The following LAMC1 variants were observed in gnomAD, a reference collection of about 807,000 sequenced individuals.
The protein encoded by LAMC1 is laminin subunit gamma-1.
Under a neutral mutation model 173.6 loss-of-function variants are expected in LAMC1, and 38 were observed. That is an observed-to-expected ratio of 0.22 (90% confidence interval 0.17 to 0.29). The LOEUF (loss-of-function observed/expected upper bound fraction) is 0.29. LAMC1 is among the 10% of genes least tolerant of loss of function. The pLI is 1.00. For synonymous variants in LAMC1, 746 were observed against 749.1 expected (o/e 1.00, Z 0.07); for missense variants, 1,824 against 2,051.8 (o/e 0.89, Z 2.14).
intron 1 of LAMC1, among the ~76,000 whole-genome samples, chr1:183,070,180 A>G (rs981976683): frequency 6.6e-6 from 1 of 152,240 alleles, no homozygotes; most frequent in Non-Finnish European, 1.5e-5. Flanking sequence ...ACCTAGTCAT[A>G]AAGTTCAATC....
intron 1 of LAMC1, among the ~76,000 whole-genome samples, chr1:183,101,821 T>C (rs1229080212): frequency 6.6e-6 from 1 of 152,198 alleles, no homozygotes; most frequent in Non-Finnish European, 1.5e-5. Context: ...TGTGTGCAAG[T>C]ATGTTTCATG....
At chr1:183,142,414 T>A in intron 27 of LAMC1, 120 bp from the exon 28 acceptor site, 3 of 1,023,824 alleles carry the variant, frequency 2.9e-6, no homozygotes, top group Non-Finnish European at 4.3e-6. Flanking sequence ...CAAGTCACAT[T>A]TGCCGGGCTG....
intron 1 of LAMC1, among the ~76,000 whole-genome samples, chr1:183,030,642 A>G (rs1398440274): frequency 6.6e-6 from 1 of 152,180 alleles, no homozygotes; most frequent in East Asian, 1.9e-4. Context: ...TTTTTTAAAA[A>G]AGTACTAAGG....
chr1:183,024,224 C>G, intron 1 of LAMC1, 90 bp downstream of exon 1: 1 of 1,284,332 alleles, frequency 7.8e-7, no homozygotes, highest in South Asian at 1.5e-5. Flanking sequence ...CTCACGGGCG[C>G]AGACGGCCGC....
intron 1 of LAMC1, among the ~76,000 whole-genome samples, chr1:183,083,288 T>C (rs1655335081): frequency 6.6e-6 from 1 of 152,222 alleles, no homozygotes; most frequent in Non-Finnish European, 1.5e-5. Context: ...AAGTTGAGTT[T>C]TCTTTTGTAA....
intron 1 of LAMC1, among the ~76,000 whole-genome samples, chr1:183,095,034 C>T (rs533227267): frequency 2.4e-4 from 37 of 152,162 alleles, no homozygotes; most frequent in Middle Eastern, 3.4e-3. Flanking sequence ...TTACTAGAGA[C>T]GGGGTTTCAC....
At position 183,115,639 on chromosome 1, in the gene LAMC1, TA is replaced by T; in HGVS notation, c.1328+6del. The T allele has an allele frequency of 6.3e-7, 1 of 1,597,154 alleles. No individual in the cohort carries two copies. Among genetic ancestry groups the T allele is most frequent in the Non-Finnish European group, 8.6e-7 (1 of 1,164,510 alleles). On this transcript the variant is annotated splice_donor_region_variant and intron_variant, in intron 6 of 27. Coordinates refer to ENST00000258341, the MANE Select transcript of LAMC1 (RefSeq NM_002293.4). ...TTCTCTCACTGAAGCAGGATGCAGGTAAAATATTTTCAAAGCCAGAAGAAGG... is the reference window on the plus strand; with the variant it reads ...TTCTCTCACTGAAGCAGGATGCAGGTAAATATTTTCAAAGCCAGAAGAAGG...
At chr1:183,092,857 T>G (rs1377752210) in intron 1 of LAMC1, among the ~76,000 whole-genome samples, 1 of 152,192 alleles carries the variant, frequency 6.6e-6, no homozygotes, top group African/African-American at 2.4e-5. Context: ...CATTGTTCAG[T>G]AGAAATCCAG....
rs1402455440 is a variant in LAMC1 at position 183,117,366 on chromosome 1, T to C, written c.1611T>C (p.Ser537=). Residue 537 remains serine (S), a synonymous_variant, in exon 9 of 28, where the codon TCT becomes TCC. Coordinates refer to ENST00000258341, the MANE Select transcript of LAMC1 (RefSeq NM_002293.4). ...AACAGAGAGATGGCTCTGAAGCATC[T>C]CTCGAGTGGTCCTCTGAGAGGCAAG... ...RAEQRDGSEA[S]LEWSSERQDI... 1.2e-6 allele frequency: 2 copies of C among 1,613,530 alleles called. No homozygotes were observed. Among genetic ancestry groups the C allele is most frequent in the Admixed American group, 3.3e-5 (2 of 60,010 alleles).
At chr1:183,026,811 G>A (rs1653699745) in intron 1 of LAMC1, among the ~76,000 whole-genome samples, 1 of 152,176 alleles carries the variant, frequency 6.6e-6, no homozygotes, top group South Asian at 2.1e-4. Flanking sequence ...AGAAATGTAA[G>A]TAGTTATGTA....
intron 1 of LAMC1, among the ~76,000 whole-genome samples, chr1:183,024,887 A>G (rs1401567664): frequency 6.6e-6 from 1 of 152,238 alleles, no homozygotes; most frequent in Non-Finnish European, 1.5e-5. Context: ...GTGATGTTTC[A>G]GAAATCAGGA....
At chr1:183,110,791 T>G (rs1232396680) in intron 4 of LAMC1, 137 bp downstream of exon 4, 2 of 891,626 alleles carry the variant, frequency 2.2e-6, no homozygotes, top group East Asian at 2.5e-5. Flanking sequence ...TTGAGTAGTA[T>G]TCAAGTCAGA....
intron 1 of LAMC1, among the ~76,000 whole-genome samples, chr1:183,046,152 T>G (rs576267239): frequency 6.6e-6 from 1 of 152,142 alleles, no homozygotes; most frequent in South Asian, 2.1e-4. Context: ...TTGAGTCTTA[T>G]GTAAGAAGTC....
chr1:183,039,322 G>A (rs1654066106), intron 1 of LAMC1, among the ~76,000 whole-genome samples: 1 of 152,150 alleles, frequency 6.6e-6, no homozygotes, highest in Non-Finnish European at 1.5e-5. Flanking sequence ...AATTGCTTTG[G>A]TCATGTGATT....
chr1:183,055,028 G>A lies in LAMC1; in HGVS notation c.418+30894G>A, dbSNP rs1053173104. On this transcript the variant is annotated intron_variant, in intron 1 of 27. Transcript: ENST00000258341. The stretch of plus-strand genomic sequence containing the variant: ...TTTGAGATGGAGTTTCGCTCTTGTT[G>A]CCTAGGCTGGAGTGCAGTGACGCAA... 7.8e-4 allele frequency among the ~76,000 whole-genome samples: 109 copies of A among 139,304 alleles called. 1 individual carries two copies. Among genetic ancestry groups the A allele is most frequent in the Non-Finnish European group, 1.2e-3 (79 of 65,236 alleles). The allele number at this position is 139,304 out of a possible 152,430, so 91.4% of individuals were successfully genotyped here. A position where few individuals can be genotyped will look rare whatever the true frequency, so the allele number is the denominator to read the frequency against.
chr1:183,130,195 G>C, intron 18 of LAMC1, 149 bp from the exon 19 acceptor site: 1 of 658,270 alleles, frequency 1.5e-6, no homozygotes, highest in South Asian at 1.9e-5. Context: ...TGTGGTAAAG[G>C]CTGTCCAGCT....
At chr1:183,078,305 A>T (rs1655172158) in intron 1 of LAMC1, among the ~76,000 whole-genome samples, 1 of 152,206 alleles carries the variant, frequency 6.6e-6, no homozygotes, top group African/African-American at 2.4e-5. Flanking sequence ...TGAGCTGGTC[A>T]GGCGCGGTGG....
At chr1:183,061,123 G>A (rs1654736254) in intron 1 of LAMC1, among the ~76,000 whole-genome samples, 1 of 152,152 alleles carries the variant, frequency 6.6e-6, no homozygotes, top group Non-Finnish European at 1.5e-5. Context: ...AAAGGCAAAA[G>A]GAGAGACACT....
intron 1 of LAMC1, among the ~76,000 whole-genome samples, chr1:183,089,824 T>G (rs1288153793): frequency 6.6e-6 from 1 of 152,218 alleles, no homozygotes; most frequent in Non-Finnish European, 1.5e-5. Context: ...GCCCATTGTT[T>G]TAGACTAGCC....
Sources: allele counts gnomAD v4.1 joint callset (sites outside exome capture counted in the v4.1 genomes callset), GRCh38; gene constraint gnomAD v4.1.1; transcripts MANE v1.5; gene names NCBI Gene and HGNC (gene_info 2026-07-23, HGNC 2026-07-21).